The following ERC2 variants were observed in gnomAD, a reference collection of about 807,000 sequenced individuals.
The protein encoded by ERC2 is ERC protein 2.
ERC2 carries 42 observed loss-of-function variants against 114.8 expected under a neutral mutation model. That is an observed-to-expected ratio of 0.37 (90% CI 0.29 to 0.47). The LOEUF (loss-of-function observed/expected upper bound fraction) is 0.47, where lower values mean the gene tolerates loss of function less well. Ranked by LOEUF, ERC2 falls within the 20% of genes least tolerant of loss-of-function variation. ERC2 has a pLI of 0.99. For synonymous variants in ERC2, 454 were observed against 425.5 expected (o/e 1.07, Z -0.82); for missense variants, 939 against 1,150.7 (o/e 0.82, Z 2.66).
intron 2 of ERC2, among the ~76,000 whole-genome samples, chr3:56,414,724 C>CAAAAAAAAAAA (rs10706985): frequency 9.5e-6 from 1 of 104,912 alleles, no homozygotes; most frequent in Non-Finnish European, 2.1e-5. Context: ...GACTCTGTCT[C>CAAAAAAAAAAA]AAAAAAAAAA....
intron 14 of ERC2, among the ~76,000 whole-genome samples, chr3:55,852,966 G>A (rs2061637086): frequency 2.6e-5 from 4 of 152,162 alleles, no homozygotes; most frequent in African/African-American, 2.4e-5. Context: ...TAGTAGCATC[G>A]CTGGCCTCTG....
chr3:55,910,071 TA>T, intron 13 of ERC2, among the ~76,000 whole-genome samples: 1 of 152,248 alleles, frequency 6.6e-6, no homozygotes, highest in African/African-American at 2.4e-5. Context: ...GACTAGTCTA[TA>T]AGATAAAGGT....
intron 14 of ERC2, among the ~76,000 whole-genome samples, chr3:55,768,091 C>T (rs756532642): frequency 5.9e-5 from 9 of 152,224 alleles, no homozygotes; most frequent in Non-Finnish European, 1.2e-4. Context: ...TGCCTACTTC[C>T]CCTTCACCTT....
chr3:55,616,481 T>A (rs541331500), intron 17 of ERC2, among the ~76,000 whole-genome samples: 20 of 152,248 alleles, frequency 1.3e-4, no homozygotes, highest in African/African-American at 4.8e-4. Flanking sequence ...AAAAATATAA[T>A]TGTCACTGGA....
intron 3 of ERC2, among the ~76,000 whole-genome samples, chr3:56,275,520 A>C (rs924538151): frequency 2.6e-5 from 4 of 152,186 alleles, no homozygotes; most frequent in African/African-American, 9.7e-5. Context: ...ATAGCTTTTA[A>C]TGGTTAGGCA....
chr3:55,985,420 T>C (rs1559975810), intron 12 of ERC2, among the ~76,000 whole-genome samples: 2 of 152,216 alleles, frequency 1.3e-5, no homozygotes, highest in Non-Finnish European at 2.9e-5. Flanking sequence ...ACCAAAACAA[T>C]GTCAGGAAAT....
intron 17 of ERC2, among the ~76,000 whole-genome samples, chr3:55,549,239 A>G (rs927485104): frequency 1.3e-5 from 2 of 152,088 alleles, no homozygotes; most frequent in East Asian, 1.9e-4. Context: ...TACCTGTCCT[A>G]TGGTTCCACC....
chr3:55,758,894 A>C (rs1369595059), intron 14 of ERC2, among the ~76,000 whole-genome samples: 1 of 152,226 alleles, frequency 6.6e-6, no homozygotes, highest in Non-Finnish European at 1.5e-5. Context: ...ATTAAAAGAG[A>C]GTCCATTTTG....
At chr3:55,690,844 C>T (rs1178661313) in intron 16 of ERC2, among the ~76,000 whole-genome samples, 1 of 152,218 alleles carries the variant, frequency 6.6e-6, no homozygotes, top group African/African-American at 2.4e-5. Flanking sequence ...GAATTAGCAT[C>T]GCACCCAGAT....
chr3:55,514,745 T>C (rs904232178), intron 17 of ERC2, among the ~76,000 whole-genome samples: 2 of 152,236 alleles, frequency 1.3e-5, no homozygotes, highest in African/African-American at 4.8e-5. Context: ...GGATGCTTCC[T>C]GGAGCCTTCA....
chr3:56,319,983 T>C (rs1343054509), intron 2 of ERC2, among the ~76,000 whole-genome samples: 1 of 152,150 alleles, frequency 6.6e-6, no homozygotes, highest in Non-Finnish European at 1.5e-5. Flanking sequence ...AAATGTAAAC[T>C]CACACTCAAA....
chr3:55,719,552 G>T (rs1052317525), intron 15 of ERC2, among the ~76,000 whole-genome samples: 3 of 152,176 alleles, frequency 2.0e-5, no homozygotes, highest in Non-Finnish European at 4.4e-5. Context: ...TAGCAGCTCT[G>T]GTTGGGTCTG....
At chr3:55,992,439 A>G (rs1475428887) in intron 10 of ERC2, among the ~76,000 whole-genome samples, 189 bp from the exon 11 acceptor site, 4 of 152,206 alleles carry the variant, frequency 2.6e-5, no homozygotes, top group Non-Finnish European at 5.9e-5. Flanking sequence ...TGCTGATTTT[A>G]AAATAATATT....
intron 6 of ERC2, among the ~76,000 whole-genome samples, chr3:56,130,102 AAG>A (rs554023036): frequency 1.4e-3 from 213 of 152,354 alleles, no homozygotes; most frequent in African/African-American, 4.5e-3. Context: ...TACATACAAA[AAG>A]AGTACTGTAA....
At chr3:55,775,578 AAAT>A (rs2068538452) in intron 14 of ERC2, among the ~76,000 whole-genome samples, 1 of 149,290 alleles carries the variant, frequency 6.7e-6, no homozygotes, top group Non-Finnish European at 1.5e-5. Flanking sequence ...ATAAATAAAT[AAAT>A]AAAAAAGGAA....
chr3:55,960,153 A>G (rs1295390729), intron 12 of ERC2, among the ~76,000 whole-genome samples: 1 of 152,200 alleles, frequency 6.6e-6, no homozygotes, highest in Non-Finnish European at 1.5e-5. Flanking sequence ...TCCATCCAAC[A>G]GCAAGATTGG....
intron 6 of ERC2, among the ~76,000 whole-genome samples, chr3:56,133,411 T>A (rs2080320002): frequency 6.6e-6 from 1 of 152,152 alleles, no homozygotes; most frequent in African/African-American, 2.4e-5. Flanking sequence ...CACTCCAGCC[T>A]GAGCGACAGA....
intron 3 of ERC2, among the ~76,000 whole-genome samples, chr3:56,181,356 G>T (rs2083276535): frequency 6.6e-6 from 1 of 152,112 alleles, no homozygotes; most frequent in Admixed American, 6.6e-5. Flanking sequence ...ATCTCTTCTG[G>T]TAAATAAAGT....
intron 17 of ERC2, among the ~76,000 whole-genome samples, chr3:55,675,921 T>TTTTTC: frequency 8.3e-6 from 1 of 119,762 alleles, no homozygotes; most frequent in Non-Finnish European, 1.7e-5. Flanking sequence ...TTTTTTTTTT[T>TTTTTC]TTTTTTTTTT....
Sources: allele counts gnomAD v4.1 joint callset (sites outside exome capture counted in the v4.1 genomes callset), GRCh38; gene constraint gnomAD v4.1.1; transcripts MANE v1.5; gene names NCBI Gene and HGNC (gene_info 2026-07-23, HGNC 2026-07-21).